Variants in NEGR1 observed in about 807,000 individuals in gnomAD.
The protein encoded by NEGR1 is neuronal growth regulator 1.
A neutral mutation model predicts 40.9 loss-of-function variants in NEGR1; 10 were observed. The ratio of observed to expected loss-of-function variants is 0.24; its 90% CI spans 0.15 to 0.42. NEGR1 has a LOEUF of 0.42. Ranked by LOEUF, NEGR1 falls within the 10% of genes least tolerant of loss-of-function variation. NEGR1 has a pLI of 1.00. For synonymous variants in NEGR1, 185 were observed against 166.8 expected (o/e 1.11, Z -0.84); for missense variants, 352 against 438.9 (o/e 0.80, Z 1.77).
At chr1:71,428,167 G>A (rs1646441656) in intron 6 of NEGR1, among the ~76,000 whole-genome samples, 1 of 152,158 alleles carries the variant, frequency 6.6e-6, no homozygotes, top group Admixed American at 6.5e-5. Context: ...GTGTTTATAG[G>A]ATAATAAAGA....
chr1:71,704,463 T>C (rs948227799), intron 3 of NEGR1, among the ~76,000 whole-genome samples: 2 of 151,706 alleles, frequency 1.3e-5, no homozygotes, highest in African/African-American at 2.4e-5. Flanking sequence ...AGGAGAAAAA[T>C]AGTACACCTC....
intron 1 of NEGR1, among the ~76,000 whole-genome samples, chr1:71,981,877 T>C (rs1293658384): frequency 6.6e-6 from 1 of 152,202 alleles, no homozygotes; most frequent in African/African-American, 2.4e-5. Context: ...ATATGAACTA[T>C]TAAAAAATTT....
chr1:71,602,445 G>T (rs1649955692), intron 5 of NEGR1, among the ~76,000 whole-genome samples: 1 of 147,306 alleles, frequency 6.8e-6, no homozygotes. Flanking sequence ...TAGAGACGGG[G>T]TTTCACCGTT....
chr1:71,617,395 C>T (rs561069073), intron 4 of NEGR1, among the ~76,000 whole-genome samples: 1 of 152,310 alleles, frequency 6.6e-6, no homozygotes, highest in Admixed American at 6.5e-5. Flanking sequence ...CTGATGTTGA[C>T]AAGGCAACAA....
intron 2 of NEGR1, among the ~76,000 whole-genome samples, chr1:71,856,375 G>T (rs1327726032): frequency 6.6e-6 from 1 of 152,066 alleles, no homozygotes; most frequent in East Asian, 1.9e-4. Flanking sequence ...GATGGCAGAT[G>T]AAGTGTTATA....
chr1:71,722,266 G>C (rs918867733), intron 3 of NEGR1, among the ~76,000 whole-genome samples: 28 of 151,956 alleles, frequency 1.8e-4, no homozygotes, highest in African/African-American at 6.8e-4. Context: ...CCCTTCCCTT[G>C]TACATAGACC....
intron 6 of NEGR1, among the ~76,000 whole-genome samples, chr1:71,502,110 A>G (rs1647003443): frequency 6.6e-6 from 1 of 152,218 alleles, no homozygotes; most frequent in Non-Finnish European, 1.5e-5. Context: ...AAGCATGATA[A>G]ATCTAAGTAC....
chr1:71,866,272 C>T (rs544234211), intron 2 of NEGR1, among the ~76,000 whole-genome samples: 1 of 152,050 alleles, frequency 6.6e-6, no homozygotes, highest in Non-Finnish European at 1.5e-5. Context: ...AAAATATCTC[C>T]TAAGTAGACC....
chr1:72,100,980 G>T (rs144931696), intron 1 of NEGR1: 1 of 152,202 alleles, frequency 6.6e-6, no homozygotes, highest in Non-Finnish European at 1.5e-5. Context: ...CTTTTGTAAG[G>T]ACAATAATCC....
chr1:72,023,235 T>C (rs1486018047), intron 1 of NEGR1, among the ~76,000 whole-genome samples: 1 of 152,164 alleles, frequency 6.6e-6, no homozygotes, highest in East Asian at 1.9e-4. Flanking sequence ...GATTGTGTTA[T>C]TGTTGTGGCA....
rs556745732 is a variant in NEGR1 at position 72,002,668 on chromosome 1, C to T, written c.177-67357G>A. Among the ~76,000 whole-genome samples, 9 of 152,198 alleles carry T rather than the reference C, an allele frequency of 5.9e-5. No homozygotes were observed. The East Asian group carries it at 1.7e-3, about 29-fold the overall frequency. ...GTGTTAAAATAACAAAACCATATAA[C>T]ATGAGGAAACTATATTAAAAATTTA... On this transcript the variant is annotated intron_variant, in intron 1 of 6. Coordinates refer to ENST00000357731, the MANE Select transcript of NEGR1 (RefSeq NM_173808.3).
chr1:71,556,833 G>T (rs192019754), intron 6 of NEGR1, among the ~76,000 whole-genome samples: 1 of 151,688 alleles, frequency 6.6e-6, no homozygotes, highest in African/African-American at 2.4e-5. Flanking sequence ...TATTTCTCAT[G>T]TCTTTTATTA....
chr1:71,707,241 G>A (rs1653931867), intron 3 of NEGR1, among the ~76,000 whole-genome samples: 1 of 152,112 alleles, frequency 6.6e-6, no homozygotes, highest in South Asian at 2.1e-4. Context: ...GGCATTTCTG[G>A]ACCTGCCCTG....
At position 71,561,047 on chromosome 1, in the gene NEGR1, A is replaced by G. The variant is rs572206888; in HGVS notation, c.940+31770T>C. 2.6e-5 allele frequency among the ~76,000 whole-genome samples: 4 copies of G among 151,736 alleles called. No homozygotes were observed. In the East Asian group the frequency reaches 7.8e-4, roughly 30 times the overall value. On this transcript the variant is annotated intron_variant, in intron 6 of 6. Transcript: ENST00000357731. ...GAAAAGATTTCATAATGTTGCATTA[A>G]GGACCAAATAATATGATGTACATAA...
At chr1:72,085,493 A>T (rs1648183445) in intron 1 of NEGR1, among the ~76,000 whole-genome samples, 1 of 152,172 alleles carries the variant, frequency 6.6e-6, no homozygotes, top group Non-Finnish European at 1.5e-5. Flanking sequence ...TGCAATTGTC[A>T]AACTAGGTGT....
chr1:72,129,988 A>G (rs1011464745), intron 1 of NEGR1, among the ~76,000 whole-genome samples: 1 of 152,136 alleles, frequency 6.6e-6, no homozygotes, highest in Non-Finnish European at 1.5e-5. Context: ...CCCCCTAGAT[A>G]CACTTCTTAA....
At chr1:71,438,004 T>C (rs1299118511) in intron 6 of NEGR1, among the ~76,000 whole-genome samples, 2 of 152,206 alleles carry the variant, frequency 1.3e-5, no homozygotes, top group African/African-American at 4.8e-5. Context: ...GGCTGCATGG[T>C]TTGCTAGATA....
chr1:72,001,292 T>C (rs1320334047), intron 1 of NEGR1, among the ~76,000 whole-genome samples: 3 of 151,990 alleles, frequency 2.0e-5, no homozygotes, highest in Non-Finnish European at 4.4e-5. Flanking sequence ...ACTTGGTGTG[T>C]CCATGTCCTT....
At chr1:71,665,211 C>G (rs956009181) in intron 4 of NEGR1, among the ~76,000 whole-genome samples, 1 of 152,096 alleles carries the variant, frequency 6.6e-6, no homozygotes, top group Non-Finnish European at 1.5e-5. Flanking sequence ...TTTTCTAAAA[C>G]TATAGTTTTC....
Sources: allele counts gnomAD v4.1 joint callset (sites outside exome capture counted in the v4.1 genomes callset), GRCh38; gene constraint gnomAD v4.1.1; transcripts MANE v1.5; gene names NCBI Gene and HGNC (gene_info 2026-07-23, HGNC 2026-07-21).